The following COX7A1 variants were observed in gnomAD, a reference collection of about 807,000 sequenced individuals.
The protein encoded by COX7A1 is cytochrome c oxidase subunit 7A1, mitochondrial.
COX7A1 carries 21 observed loss-of-function variants against 13.2 expected under a neutral mutation model. The ratio of observed to expected loss-of-function variants is 1.59; its 90% CI spans 1.13 to 2.29. The LOEUF (loss-of-function observed/expected upper bound fraction) is 2.29, where lower values mean the gene tolerates loss of function less well. COX7A1 is among the 30% of genes most tolerant of loss of function. The probability of loss-of-function intolerance (pLI) is 0.00; values close to 1 mark genes in which losing one functional copy is unlikely to be tolerated. For missense variants in COX7A1, 107 were observed against 100.0 expected (o/e 1.07, Z -0.30); for synonymous variants, 41 against 41.9 (o/e 0.98, Z 0.08).
Position 36,151,661 on chromosome 19 carries a change from C to CG in COX7A1, c.102+7_102+8insC, listed in dbSNP as rs753926083. 2.5e-6 allele frequency: 4 copies of CG among 1,569,256 alleles called. No individual in the cohort carries two copies. Among genetic ancestry groups the CG allele is most frequent in the Non-Finnish European group, 3.5e-6 (4 of 1,150,112 alleles). On this transcript the variant is annotated splice_region_variant and intron_variant, in intron 2 of 3. Transcript: ENST00000292907. ...CGCGTCGGATCCCCACCCCCCCCGA[C>CG]CCCCCACCTGGAAGAGCTTCTGTTT...
At chr19:36,151,645 T>TTCCCCC in intron 2 of COX7A1, 24 bp downstream of exon 2, 1 of 1,387,630 alleles carries the variant, frequency 7.2e-7, no homozygotes, top group Non-Finnish European at 9.9e-7. Flanking sequence ...GCGCGTCGGA[T>TTCCCCC]CCCCACCCCC....
Position 36,151,680 on chromosome 19 carries a change from T to G in COX7A1, c.91A>C (p.Lys31Gln), listed in dbSNP as rs1239123908. 9 of 1,216,746 alleles carry G rather than the reference T, an allele frequency of 7.4e-6. No homozygotes were observed. Among genetic ancestry groups the G allele is most frequent in the South Asian group, 1.2e-5 (1 of 82,196 alleles). The allele number at this position is 1,216,746 out of a possible 1,614,324, so 75.4% of individuals were successfully genotyped here. The change falls in exon 2 of 4, where the codon AAG becomes CAG. Residue 31 changes from lysine to glutamine, a missense_variant. By Grantham distance (53) the Lys-to-Gln change is moderately conservative. Coordinates refer to ENST00000292907, the MANE Select transcript of COX7A1 (RefSeq NM_001864.4). ...RFQNRVREKQ[K>Q]LFQEDNDIPL... ...CCCCGACCCCCCACCTGGAAGAGCT[T>G]CTGTTTCTCGCGCACTCGGTTCTGA... is the stretch of plus-strand genomic sequence containing the variant.
chr19:36,151,211 G>T (rs947904357), intron 3 of COX7A1, among the ~76,000 whole-genome samples, 177 bp from the exon 4 acceptor site: 1 of 152,072 alleles, frequency 6.6e-6, no homozygotes, highest in African/African-American at 2.4e-5. Context: ...GATCTAGACC[G>T]GGCTGGGAGC....
chr19:36,152,242 G>T, intron 1 of COX7A1, 151 bp downstream of exon 1: 1 of 570,808 alleles, frequency 1.8e-6, no homozygotes. Flanking sequence ...GTGGATTGTG[G>T]GGGAAGGGAC....
At position 36,152,404 on chromosome 19, in the gene COX7A1, G is replaced by C; in HGVS notation, c.4C>G (p.Gln2Glu). Residue 2 changes from glutamine to glutamate, a missense_variant, in exon 1 of 4, where the codon CAG (glutamine) becomes GAG (glutamate). Gln to Glu is a conservative substitution (Grantham distance 29). Transcript: ENST00000292907. ...CATGGGGGCCTCACCCGAAGGGCCTGCATTCTGCCTTGTCCTCTTCCGCCG... is the reference window on the plus strand; with the variant it reads ...CATGGGGGCCTCACCCGAAGGGCCTCCATTCTGCCTTGTCCTCTTCCGCCG... The part of the protein sequence containing the change: M[Q>E]ALRVSQALIR... The C allele has an allele frequency of 7.3e-7, 1 of 1,373,952 alleles. No homozygotes were observed. The highest frequency in any genetic ancestry group is 9.5e-7 in the Non-Finnish European group (1 of 1,052,484). The allele number at this position is 1,373,952 out of a possible 1,614,324, so 85.1% of individuals were successfully genotyped here.
chr19:36,151,469 A>T lies in COX7A1; in HGVS notation c.180T>A (p.Cys60Ter). 1 of 1,614,132 alleles carries T rather than the reference A, an allele frequency of 6.2e-7. No individual in the cohort carries two copies. The highest frequency in any genetic ancestry group is 8.5e-7 in the Non-Finnish European group (1 of 1,180,018). ...NILYRVTMTLCLGGTVYSLYS... is the reference protein window; with the variant it reads ...NILYRVTMTL Reference sequence around the variant, plus strand: ...GACGGGCCCTGCGCTCACCGCCCAGACACAGCGTCATTGTCACTCGGTACA... The same window carrying T: ...GACGGGCCCTGCGCTCACCGCCCAGTCACAGCGTCATTGTCACTCGGTACA... The change falls in exon 3 of 4, where the codon TGT (cysteine) becomes TGA (stop). Residue 60 changes from cysteine (C) to a stop codon, truncating the protein, a stop_gained. Coordinates refer to ENST00000292907, the MANE Select transcript of COX7A1 (RefSeq NM_001864.4). LOFTEE classifies it high-confidence loss of function.
rs887966641 is a variant in COX7A1 at position 36,152,289 on chromosome 19, T to G, written c.15+104A>C. 8.8e-6 allele frequency: 7 copies of G among 793,060 alleles called. No individual in the cohort carries two copies. The African/African-American group carries it at 1.3e-4, about 14-fold the overall frequency. The allele number at this position is 793,060 out of a possible 1,614,324, so 49.1% of individuals were successfully genotyped here. ...AGCGGGGAGTCCCAGGCCCTGAAGG[T>G]GGCTCACGTTCCAAGGCCCTAGATG... On this transcript the variant is annotated intron_variant, in intron 1 of 3. Transcript: ENST00000292907.
rs17882491 is a variant in COX7A1, at chr19:36,151,519, T to G, written c.130A>C (p.Lys44Gln). ...QEDNDIPLYL[K>Q]GGIVDNILYR... ...AGGATGTTGTCAACGATGCCGCCCT[T>G]CAGGTACAACGGGATGTCATTGTCC... The change falls in exon 3 of 4, where the codon AAG becomes CAG. Residue 44 changes from lysine (K) to glutamine (Q), a missense_variant. Physicochemically the swap from Lys to Gln is moderately conservative, Grantham distance 53 (BLOSUM62 1). Transcript: ENST00000292907. 1.2e-4 allele frequency: 198 copies of G among 1,614,176 alleles called. 1 individual carries two copies. The Admixed American group carries it at 3.3e-3, about 27-fold the overall frequency.
chr19:36,152,416 G>T lies in COX7A1; in HGVS notation c.-9C>A. The stretch of plus-strand genomic sequence containing the variant: ...ACCCGAAGGGCCTGCATTCTGCCTT[G>T]TCCTCTTCCGCCGGAGTCACCTCCC... On this transcript the variant is annotated 5_prime_UTR_variant, in exon 1 of 4. Coordinates refer to ENST00000292907, the MANE Select transcript of COX7A1 (RefSeq NM_001864.4). 7.4e-7 allele frequency: 1 copy of T among 1,359,500 alleles called. No individual in the cohort carries two copies. Among genetic ancestry groups the T allele is most frequent in the Non-Finnish European group, 9.6e-7 (1 of 1,043,764 alleles). 84.2% of individuals were successfully genotyped at this position (1,359,500 alleles called of 1,614,324 possible). A position where few individuals can be genotyped will look rare whatever the true frequency, so the allele number is the denominator to read the frequency against.
chr19:36,151,462 C>T lies in COX7A1; in HGVS notation c.187G>A (p.Gly63Ser). ...YRVTMTLCLGGTVYSLYSLGW... is the reference protein window; with the variant it reads ...YRVTMTLCLGSTVYSLYSLGW... ...CAGCCCAGACGGGCCCTGCGCTCACCGCCCAGACACAGCGTCATTGTCACT... is the reference window on the plus strand; with the variant it reads ...CAGCCCAGACGGGCCCTGCGCTCACTGCCCAGACACAGCGTCATTGTCACT... Residue 63 changes from glycine to serine, a missense_variant and splice_region_variant, in exon 3 of 4, where the codon GGC (glycine) becomes AGC (serine). Gly to Ser is a moderately conservative substitution (Grantham distance 56). Coordinates refer to ENST00000292907, the MANE Select transcript of COX7A1 (RefSeq NM_001864.4). The T allele has an allele frequency of 6.2e-7, 1 of 1,614,178 alleles. No individual in the cohort carries two copies.
rs1208841260 is a variant in COX7A1 at position 36,151,006 on chromosome 19, G to C, written c.216C>G (p.Gly72=). The change falls in exon 4 of 4, where the codon GGC becomes GGG. Residue 72 remains glycine (G), a synonymous_variant. Transcript: ENST00000292907. ...GGTVYSLYSL[G]WASFPRN ...CTTAATTCCTGGGGAAGGAGGCCCAGCCAAGGGAGTACAAGCTGTAGACAG... is the reference window on the plus strand; with the variant it reads ...CTTAATTCCTGGGGAAGGAGGCCCACCCAAGGGAGTACAAGCTGTAGACAG... 8.7e-6 allele frequency: 14 copies of C among 1,613,928 alleles called. No homozygotes were observed. The highest frequency in any genetic ancestry group is 1.7e-5 in the Admixed American group (1 of 59,986).
intron 3 of COX7A1, 91 bp downstream of exon 3, chr19:36,151,371 A>G: frequency 7.0e-7 from 1 of 1,420,400 alleles, no homozygotes; most frequent in Non-Finnish European, 9.8e-7. Flanking sequence ...CCCCCAACCC[A>G]GATCCTGGTC....
chr19:36,151,532 G>C lies in COX7A1; in HGVS notation c.117C>G (p.Ile39Met). Residue 39 changes from isoleucine to methionine, a missense_variant, in exon 3 of 4, where the codon ATC becomes ATG. By Grantham distance (10) the Ile-to-Met change is conservative. Transcript: ENST00000292907. ...CGATGCCGCCCTTCAGGTACAACGGGATGTCATTGTCCTCCTGGATGTGGG... is the reference window on the plus strand; with the variant it reads ...CGATGCCGCCCTTCAGGTACAACGGCATGTCATTGTCCTCCTGGATGTGGG... ...KQKLFQEDND[I>M]PLYLKGGIVD... 6.2e-7 allele frequency: 1 copy of C among 1,614,182 alleles called. No individual in the cohort carries two copies. Among genetic ancestry groups the C allele is most frequent in the Non-Finnish European group, 8.5e-7 (1 of 1,180,020 alleles).
Position 36,150,950 on chromosome 19 carries a change from C to G in COX7A1, c.*32G>C, listed in dbSNP as rs374337842. 1.9e-6 allele frequency: 3 copies of G among 1,608,590 alleles called. No homozygotes were observed. The highest frequency in any genetic ancestry group is 2.6e-6 in the Non-Finnish European group (3 of 1,175,128). On this transcript the variant is annotated 3_prime_UTR_variant, in exon 4 of 4. Coordinates refer to ENST00000292907, the MANE Select transcript of COX7A1 (RefSeq NM_001864.4). ...AGGCCAGCGTTTATTGACACTTGTT[C>G]AAGTCTCTCAGGCCCCCCAGGCTTC...
intron 2 of COX7A1, 32 bp from the exon 3 acceptor site, chr19:36,151,578 T>A: frequency 6.2e-7 from 1 of 1,613,118 alleles, no homozygotes. Context: ...GAGAAAGGGG[T>A]GCTGGCTGCT....
chr19:36,151,838 T>C, intron 1 of COX7A1, 83 bp from the exon 2 acceptor site: 1 of 1,215,960 alleles, frequency 8.2e-7, no homozygotes, highest in Non-Finnish European at 1.2e-6. Flanking sequence ...GGCCTGGACG[T>C]GGGGACAGCC....
At position 36,151,457 on chromosome 19, in the gene COX7A1, C is replaced by A. The variant is rs375222289; in HGVS notation, c.187+5G>T. 3.7e-5 allele frequency: 60 copies of A among 1,614,186 alleles called. 2 individuals carry two copies. The Middle Eastern group carries it at 4.9e-4, about 13-fold the overall frequency. On this transcript the variant is annotated splice_donor_5th_base_variant and intron_variant, in intron 3 of 3. Transcript: ENST00000292907. ...CCCCGCAGCCCAGACGGGCCCTGCG[C>A]TCACCGCCCAGACACAGCGTCATTG... is the stretch of plus-strand genomic sequence containing the variant.
chr19:36,151,668 C>CCCCCCCGG lies in COX7A1; in HGVS notation c.102_102+1insCCGGGGGG (p.Glu35ProfsTer12). ...GATCCCCACCCCCCCCGACCCCCCACCTGGAAGAGCTTCTGTTTCTCGCGC... is the reference window on the plus strand; with the variant it reads ...GATCCCCACCCCCCCCGACCCCCCACCCCCCCGGCTGGAAGAGCTTCTGTTTCTCGCGC... On this transcript the variant is annotated frameshift_variant and splice_region_variant. Transcript: ENST00000292907. LOFTEE classifies it high-confidence loss of function. 1.9e-6 allele frequency: 3 copies of CCCCCCCGG among 1,582,616 alleles called. No individual in the cohort carries two copies. Among genetic ancestry groups the CCCCCCCGG allele is most frequent in the Non-Finnish European group, 2.6e-6 (3 of 1,165,640 alleles).
At position 36,151,041 on chromosome 19, in the gene COX7A1, A is replaced by G. The variant is rs1336221787; in HGVS notation, c.188-7T>C. The G allele has an allele frequency of 1.9e-6, 3 of 1,613,358 alleles. No individual in the cohort carries two copies. The highest frequency in any genetic ancestry group is 2.7e-5 in the African/African-American group (2 of 74,864). On this transcript the variant is annotated splice_polypyrimidine_tract_variant and splice_region_variant and intron_variant, in intron 3 of 3. Coordinates refer to ENST00000292907, the MANE Select transcript of COX7A1 (RefSeq NM_001864.4). ...TACAAGCTGTAGACAGTGCCTAGAA[A>G]GGGGAAGCGTTGGAGACAGAATGAG...
Sources: gnomAD v4.1 joint callset for allele counts (sites outside exome capture counted in the v4.1 genomes callset) on GRCh38, gnomAD v4.1.1 for gene constraint, MANE v1.5 for transcripts, NCBI Gene and HGNC (gene_info 2026-07-23, HGNC 2026-07-21) for gene names.